The following CNGB1 variants were observed in gnomAD, a reference collection of about 807,000 sequenced individuals.
CNGB1 encodes the protein cyclic nucleotide gated channel subunit beta 1.
In CNGB1, 126 loss-of-function variants were observed where a neutral mutation model predicts 151.7. The observed-to-expected ratio is 0.83, with a 90% CI of 0.72 to 0.96. The LOEUF is 0.96. CNGB1 is among the 40% of genes least tolerant of loss of function. The pLI is 0.00. For synonymous variants in CNGB1, 623 were observed against 635.1 expected, an observed-to-expected ratio of 0.98 and a Z score of 0.29; for missense variants, 1,698 against 1,627.0, an observed-to-expected ratio of 1.04 and a Z score of -0.75.
chr16:57,935,495 C>T (rs1298874279), intron 16 of CNGB1, among the ~76,000 whole-genome samples: 2 of 152,106 alleles, frequency 1.3e-5, no homozygotes, highest in Non-Finnish European at 2.9e-5. Flanking sequence ...GCCTGACCAA[C>T]ATGGCAAAAC....
chr16:57,939,337 G>A (rs1418150506), intron 16 of CNGB1, 93 bp downstream of exon 16: 1 of 1,557,082 alleles, frequency 6.4e-7, no homozygotes, highest in African/African-American at 1.4e-5. Context: ...TGGAGGGAGA[G>A]GAGGAGGGGT....
rs1264349279 is a variant in CNGB1 at position 57,884,468 on chromosome 16, G to C, written c.3463-11C>G. 1.2e-6 allele frequency: 2 copies of C among 1,613,362 alleles called. No individual in the cohort carries two copies. Among genetic ancestry groups the C allele is most frequent in the African/African-American group, 2.7e-5 (2 of 74,866 alleles). ...TTGCGAGCTCTTGGCCTGGAATCCA[G>C]AAAGGGTGACTCGTGAGGCACAGAC... is the stretch of plus-strand genomic sequence containing the variant. On this transcript the variant is annotated splice_polypyrimidine_tract_variant and intron_variant, in intron 32 of 32. Coordinates refer to ENST00000251102, the MANE Select transcript of CNGB1 (RefSeq NM_001297.5).
At chr16:57,941,468 T>C (rs1204533222) in intron 14 of CNGB1, among the ~76,000 whole-genome samples, 1 of 152,140 alleles carries the variant, frequency 6.6e-6, no homozygotes, top group Non-Finnish European at 1.5e-5. Context: ...GCAGCAGAAA[T>C]CAGTCGGTAA....
chr16:57,939,342 A>C (rs1252549396), intron 16 of CNGB1, 88 bp downstream of exon 16: 2 of 1,572,150 alleles, frequency 1.3e-6, no homozygotes, highest in African/African-American at 2.7e-5. Flanking sequence ...GGAGAGGAGG[A>C]GGGGTTGCCC....
intron 14 of CNGB1, among the ~76,000 whole-genome samples, chr16:57,947,177 C>T (rs1257023930): frequency 3.9e-5 from 6 of 152,120 alleles, no homozygotes; most frequent in Admixed American, 2.0e-4. Flanking sequence ...TGTGTGTGCC[C>T]ATGTGTACTG....
At chr16:57,916,007 G>C in intron 22 of CNGB1, 122 bp downstream of exon 22, 1 of 944,026 alleles carries the variant, frequency 1.1e-6, no homozygotes, top group African/African-American at 1.6e-5. Context: ...ACTCCCACAG[G>C]GACCAGCATC....
chr16:57,932,010 G>A, intron 16 of CNGB1, 132 bp from the exon 17 acceptor site: 1 of 998,268 alleles, frequency 1.0e-6, no homozygotes, highest in Non-Finnish European at 1.5e-6. Context: ...TTCCCAATGG[G>A]GCACACAGAA....
In CNGB1 at chr16:57,884,291, C is replaced by A. The variant is rs866203302; in HGVS notation, c.3629G>T (p.Gly1210Val). 1 of 1,613,350 alleles carries A rather than the reference C, an allele frequency of 6.2e-7. No individual in the cohort carries two copies. Among genetic ancestry groups the A allele is most frequent in the Non-Finnish European group, 8.5e-7 (1 of 1,179,782 alleles). ...PPPASLGRPEGEEEGPAEPEE... is the reference protein window; with the variant it reads ...PPPASLGRPEVEEEGPAEPEE... The stretch of plus-strand genomic sequence containing the variant: ...GGGCTCGGCCGGCCCCTCCTCCTCT[C>A]CCTCCGGCCTCCCAAGGGAGGCAGG... Residue 1210 changes from glycine (G) to valine (V), a missense_variant, in exon 33 of 33, where the codon GGA (glycine) becomes GTA (valine). By Grantham distance (109) the Gly-to-Val change is moderately radical. Transcript: ENST00000251102.
intron 31 of CNGB1, among the ~76,000 whole-genome samples, chr16:57,888,611 C>T (rs1021516609): frequency 8.5e-5 from 13 of 152,198 alleles, no homozygotes; most frequent in African/African-American, 3.1e-4. Flanking sequence ...AGGTATGCAC[C>T]ACCACAATTT....
chr16:57,905,571 C>G (rs1332883533), intron 25 of CNGB1, among the ~76,000 whole-genome samples: 1 of 152,254 alleles, frequency 6.6e-6, no homozygotes, highest in Non-Finnish European at 1.5e-5. Flanking sequence ...GTGCTCCAGT[C>G]TGAATGTGTC....
chr16:57,957,995 CT>C (rs1962134672), intron 11 of CNGB1, among the ~76,000 whole-genome samples: 2 of 152,334 alleles, frequency 1.3e-5, no homozygotes, highest in East Asian at 1.9e-4. Flanking sequence ...AGCGCTCCCC[CT>C]GGCCACTCAT....
Position 57,955,232 on chromosome 16 carries a change from G to A in CNGB1, c.874+2109C>T. The A allele has an allele frequency of 2.6e-6, 4 of 1,541,490 alleles. No individual in the cohort carries two copies. In the South Asian group the frequency reaches 3.6e-5, roughly 14 times the overall value. Reference sequence around the variant, plus strand: ...AGGGAGGGGTTCGCTGTTCAAATAGGGTGGGGTGTCAGTGGCCACCTCCCC... The same window carrying A: ...AGGGAGGGGTTCGCTGTTCAAATAGAGTGGGGTGTCAGTGGCCACCTCCCC... On this transcript the variant is annotated intron_variant, in intron 12 of 32. Coordinates refer to ENST00000251102, the MANE Select transcript of CNGB1 (RefSeq NM_001297.5).
intron 14 of CNGB1, chr16:57,946,647 T>C (rs1961817327): frequency 6.6e-6 from 1 of 152,250 alleles, no homozygotes; most frequent in African/African-American, 2.4e-5. Flanking sequence ...AGCTGTTGCC[T>C]GTAGATACCG....
At chr16:57,892,023 T>C (rs535288295) in intron 31 of CNGB1, among the ~76,000 whole-genome samples, 36 of 138,180 alleles carry the variant, frequency 2.6e-4, no homozygotes, top group African/African-American at 8.2e-4. Flanking sequence ...AGCACTATGC[T>C]GGGGGGCCAT....
At chr16:57,923,165 A>C (rs2149367878) in intron 18 of CNGB1, 108 bp downstream of exon 18, 1 of 800,878 alleles carries the variant, frequency 1.2e-6, no homozygotes, top group East Asian at 2.8e-5. Context: ...AGCCACTGGC[A>C]AAGTCTGCCT....
At chr16:57,897,946 C>T (rs746556076) in intron 29 of CNGB1, 32 bp from the exon 30 acceptor site, 1 of 1,608,678 alleles carries the variant, frequency 6.2e-7, no homozygotes, top group Non-Finnish European at 8.5e-7. Flanking sequence ...TCCCTCTGTT[C>T]ATCCCCCAAA....
At chr16:57,912,015 T>G in intron 24 of CNGB1, 140 bp from the exon 25 acceptor site, 2 of 1,138,102 alleles carry the variant, frequency 1.8e-6, no homozygotes, top group East Asian at 5.3e-5. Context: ...GGAAGGGTGG[T>G]GCTTGAATGG....
chr16:57,936,250 C>A (rs948576038), intron 16 of CNGB1, among the ~76,000 whole-genome samples: 37 of 152,254 alleles, frequency 2.4e-4, no homozygotes, highest in African/African-American at 8.9e-4. Flanking sequence ...CCTGGAGCTT[C>A]TTTCCTGAAA....
chr16:57,960,147 C>T (rs897152517), intron 9 of CNGB1, 82 bp from the exon 10 acceptor site: 14 of 1,524,258 alleles, frequency 9.2e-6, no homozygotes, highest in Middle Eastern at 4.2e-4. Context: ...GGGCCAGATT[C>T]GAGTCGCTAA....
Sources: gnomAD v4.1 joint callset for allele counts (sites outside exome capture counted in the v4.1 genomes callset) on GRCh38, gnomAD v4.1.1 for gene constraint, MANE v1.5 for transcripts, NCBI Gene and HGNC (gene_info 2026-07-23, HGNC 2026-07-21) for gene names.